Variants in THSD7A observed in about 807,000 individuals in gnomAD.
THSD7A encodes the protein thrombospondin type-1 domain-containing protein 7A.
Under a neutral mutation model 231.3 loss-of-function variants are expected in THSD7A, and 96 were observed. That is an observed-to-expected ratio of 0.41 (90% CI 0.35 to 0.49). The LOEUF (loss-of-function observed/expected upper bound fraction) is 0.49, where lower values mean the gene tolerates loss of function less well. THSD7A is among the 20% of genes least tolerant of loss of function. THSD7A has a pLI of 0.05. For missense variants in THSD7A, 2,290 were observed against 2,070.2 expected (o/e 1.11, Z -2.06); for synonymous variants, 940 against 743.3 (o/e 1.26, Z -4.30).
chr7:11,639,457 C>T (rs978776628), intron 1 of THSD7A, among the ~76,000 whole-genome samples: 1 of 152,042 alleles, frequency 6.6e-6, no homozygotes, highest in African/African-American at 2.4e-5. Flanking sequence ...ATCACAAGGT[C>T]AGGAGATCGA....
chr7:11,546,202 G>GCGCGCGCCCACACACACACACACA (rs761841418), intron 4 of THSD7A, among the ~76,000 whole-genome samples: 1 of 129,374 alleles, frequency 7.7e-6, no homozygotes, highest in Non-Finnish European at 1.7e-5. Context: ...GTGGGCGCGC[G>GCGCGCGCCCACACACACACACACA]CTCACACACA....
rs10255210 is a variant in THSD7A, at chr7:11,777,401, G to C, written c.190+54356C>G. 2.0e-5 allele frequency among the ~76,000 whole-genome samples: 3 copies of C among 150,078 alleles called. No homozygotes were observed. In the East Asian group the frequency reaches 5.9e-4, roughly 29 times the overall value. On this transcript the variant is annotated intron_variant, in intron 1 of 27. Coordinates refer to ENST00000423059, the MANE Select transcript of THSD7A (RefSeq NM_015204.3). ...ATAGTGTAAAAAAAACTATGTTTCAGATGTAAATTAAGTACACACACACAC... is the reference window on the plus strand; with the variant it reads ...ATAGTGTAAAAAAAACTATGTTTCACATGTAAATTAAGTACACACACACAC...
At chr7:11,398,671 G>A (rs1783284901) in intron 23 of THSD7A, among the ~76,000 whole-genome samples, 1 of 152,186 alleles carries the variant, frequency 6.6e-6, no homozygotes, top group Admixed American at 6.5e-5. Flanking sequence ...GGGTCTGTCT[G>A]CAGACCCTGA....
In THSD7A at chr7:11,590,495, A is replaced by T. The variant is rs1562750113; in HGVS notation, c.1418T>A (p.Leu473His). ...EVYCVQANEN[L>H]LSQLSTHKNK... ...CTTGTGGGTACTTAATTGTGAGAGG[A>T]GGTTTTCGTTGGCCTGCACGCAGTA... Residue 473 changes from leucine (L) to histidine (H), a missense_variant, in exon 4 of 28, where the codon CTC becomes CAC. By Grantham distance (99) the Leu-to-His change is moderately conservative. Transcript: ENST00000423059. This position sits in a 1 kb window ranked among gnomAD's most constrained non-coding sequence, Gnocchi z 4.4. 1 of 1,612,856 alleles carries T rather than the reference A, an allele frequency of 6.2e-7. No homozygotes were observed.
intron 1 of THSD7A, among the ~76,000 whole-genome samples, chr7:11,710,297 C>G (rs1306193945): frequency 6.6e-6 from 1 of 150,460 alleles, no homozygotes; most frequent in Non-Finnish European, 1.5e-5. Context: ...AAAATTAGAG[C>G]TATTGCTCAG....
intron 6 of THSD7A, among the ~76,000 whole-genome samples, chr7:11,502,894 A>G (rs1404489129): frequency 6.6e-6 from 1 of 152,236 alleles, no homozygotes; most frequent in African/African-American, 2.4e-5. Flanking sequence ...CAATTTACAG[A>G]TTCAATGTTA....
intron 1 of THSD7A, among the ~76,000 whole-genome samples, chr7:11,706,630 C>CTTTTTTTTT: frequency 1.5e-5 from 1 of 66,420 alleles, no homozygotes; most frequent in Non-Finnish European, 2.7e-5. Flanking sequence ...TAACAAGGTG[C>CTTTTTTTTT]TTTTTTTTTT....
At position 11,446,002 on chromosome 7, in the gene THSD7A, T is replaced by G. The variant is rs192500652; in HGVS notation, c.3064+59A>C. On this transcript the variant is annotated intron_variant, in intron 13 of 27. Transcript: ENST00000423059. The surrounding 1 kb of genome is among the most constrained non-coding windows in gnomAD (Gnocchi z 4.0). ...CACTTCCATTCCACTATGATGCGTG[T>G]GCATTTTCCCTCCACACTCCCGAAG... 6.0e-5 allele frequency: 95 copies of G among 1,595,842 alleles called. No homozygotes were observed. In the African/African-American group the frequency reaches 1.1e-3, roughly 18 times the overall value.
At chr7:11,523,577 T>G (rs1321190722) in intron 6 of THSD7A, among the ~76,000 whole-genome samples, 1 of 152,100 alleles carries the variant, frequency 6.6e-6, no homozygotes, top group Non-Finnish European at 1.5e-5. Context: ...TAGGAAAAAC[T>G]ATTAATCAAT....
chr7:11,418,751 A>G lies in THSD7A; in HGVS notation c.3384-1148T>C, dbSNP rs1724343798. 2.6e-5 allele frequency among the ~76,000 whole-genome samples: 4 copies of G among 152,316 alleles called. No individual in the cohort carries two copies. In the South Asian group the frequency reaches 8.3e-4, roughly 32 times the overall value. On this transcript the variant is annotated intron_variant, in intron 16 of 27. Transcript: ENST00000423059. Reference sequence around the variant, plus strand: ...TGTGGGATACATTCAAACACTGGAAAACTGTGTTGTTGGTCATGTCTTAAT... The same window carrying G: ...TGTGGGATACATTCAAACACTGGAAGACTGTGTTGTTGGTCATGTCTTAAT...
intron 1 of THSD7A, among the ~76,000 whole-genome samples, chr7:11,720,287 A>G (rs1444652444): frequency 6.6e-6 from 1 of 151,750 alleles, no homozygotes; most frequent in Non-Finnish European, 1.5e-5. Context: ...CACAACACAA[A>G]AAGTAAATAG....
chr7:11,468,951 T>G (rs1050215938), intron 9 of THSD7A, among the ~76,000 whole-genome samples: 1 of 152,142 alleles, frequency 6.6e-6, no homozygotes, highest in African/African-American at 2.4e-5. Flanking sequence ...AAAATCATGT[T>G]TCAACTATAT....
At chr7:11,700,520 A>C (rs1780555060) in intron 1 of THSD7A, among the ~76,000 whole-genome samples, 1 of 151,268 alleles carries the variant, frequency 6.6e-6, no homozygotes, top group Admixed American at 6.6e-5. Context: ...AAAAATACTT[A>C]ATATATAACA....
intron 2 of THSD7A, among the ~76,000 whole-genome samples, chr7:11,625,753 G>A (rs1239528425): frequency 6.6e-6 from 1 of 152,000 alleles, no homozygotes; most frequent in Non-Finnish European, 1.5e-5. Flanking sequence ...TCTTTTATGG[G>A]AATTTGTATT....
chr7:11,756,787 G>A (rs193228209), intron 1 of THSD7A, among the ~76,000 whole-genome samples: 2 of 152,024 alleles, frequency 1.3e-5, no homozygotes, highest in East Asian at 3.9e-4. Flanking sequence ...AGAAAGGAAA[G>A]GCAATAATCA....
chr7:11,459,030 C>G (rs1470671499), intron 11 of THSD7A, among the ~76,000 whole-genome samples: 1 of 152,138 alleles, frequency 6.6e-6, no homozygotes, highest in African/African-American at 2.4e-5. Flanking sequence ...GCTGTTTTCA[C>G]ACTTGTGCTG....
intron 2 of THSD7A, among the ~76,000 whole-genome samples, chr7:11,601,686 C>T (rs1780560251): frequency 6.6e-6 from 1 of 152,126 alleles, no homozygotes; most frequent in South Asian, 2.1e-4. Context: ...AATTCCAGTT[C>T]CTGTTCTGTG....
chr7:11,442,316 A>T (rs184564568), intron 13 of THSD7A, among the ~76,000 whole-genome samples: 1 of 152,206 alleles, frequency 6.6e-6, no homozygotes, highest in African/African-American at 2.4e-5. Flanking sequence ...ACCTAGTGGG[A>T]AACAGTCTAA....
At chr7:11,722,276 A>G (rs948045432) in intron 1 of THSD7A, among the ~76,000 whole-genome samples, 2 of 151,902 alleles carry the variant, frequency 1.3e-5, no homozygotes, top group African/African-American at 4.8e-5. Context: ...GAAAGTCTAC[A>G]AGATTAGGAT....
Sources: allele counts gnomAD v4.1 joint callset (sites outside exome capture counted in the v4.1 genomes callset), GRCh38; gene constraint gnomAD v4.1.1; non-coding constraint Gnocchi (gnomAD v3.1); transcripts MANE v1.5; gene names NCBI Gene and HGNC (gene_info 2026-07-23, HGNC 2026-07-21).